Variants in LAMA2 observed in about 807,000 individuals in gnomAD.
The protein encoded by LAMA2 is laminin subunit alpha 2.
A neutral mutation model predicts 364.8 loss-of-function variants in LAMA2; 269 were observed. That is an observed-to-expected ratio of 0.74 (90% CI 0.67 to 0.82). LAMA2 has a LOEUF of 0.82. Among genes scored for constraint, LAMA2 ranks in the 40% least tolerant of loss-of-function variants. The pLI, the probability that LAMA2 is intolerant of heterozygous loss-of-function variation, is 0.00. For synonymous variants in LAMA2, 1,379 were observed against 1,370.6 expected, an observed-to-expected ratio of 1.01 and a Z score of -0.14; for missense variants, 3,807 against 3,873.2, an observed-to-expected ratio of 0.98 and a Z score of 0.45.
chr6:129,515,625 TCTAA>T (rs1218976042), intron 64 of LAMA2, among the ~76,000 whole-genome samples: 1 of 87,518 alleles, frequency 1.1e-5, no homozygotes, highest in Non-Finnish European at 3.4e-5. Context: ...TTCAAAAAGT[TCTAA>T]GTAAGTCAGT....
At chr6:129,486,698 C>G in intron 56 of LAMA2, 76 bp downstream of exon 56, 3 of 1,309,760 alleles carry the variant, frequency 2.3e-6, no homozygotes, top group East Asian at 2.3e-5. Flanking sequence ...CTATCAGTAT[C>G]TGCCTGAACC....
chr6:128,922,579 T>C (rs1186072572), intron 1 of LAMA2, among the ~76,000 whole-genome samples: 2 of 151,798 alleles, frequency 1.3e-5, no homozygotes, highest in Admixed American at 6.5e-5. Flanking sequence ...TGTAAATTTG[T>C]TTGAGTTCAT....
intron 40 of LAMA2, among the ~76,000 whole-genome samples, chr6:129,415,709 G>T (rs896706752): frequency 2.0e-5 from 3 of 151,946 alleles, no homozygotes; most frequent in Non-Finnish European, 4.4e-5. Context: ...AGCCAGGCAT[G>T]GTGACACATG....
At chr6:129,158,478 C>G in intron 8 of LAMA2, 3 of 1,613,958 alleles carry the variant, frequency 1.9e-6, no homozygotes, top group South Asian at 1.1e-5. Flanking sequence ...ACTACCAGAA[C>G]TTTGTGACTG....
intron 3 of LAMA2, among the ~76,000 whole-genome samples, chr6:129,066,406 C>T (rs926111338): frequency 3.3e-5 from 5 of 152,024 alleles, no homozygotes; most frequent in Non-Finnish European, 7.4e-5. Context: ...GACTGGTACA[C>T]TGAAAACTGT....
At chr6:128,934,067 C>T (rs1450144201) in intron 1 of LAMA2, among the ~76,000 whole-genome samples, 1 of 152,176 alleles carries the variant, frequency 6.6e-6, no homozygotes, top group African/African-American at 2.4e-5. Context: ...TTTATGGTTT[C>T]AGGTCATACA....
At chr6:128,913,626 C>G (rs1373908579) in intron 1 of LAMA2, among the ~76,000 whole-genome samples, 1 of 152,146 alleles carries the variant, frequency 6.6e-6, no homozygotes, top group Non-Finnish European at 1.5e-5. Flanking sequence ...CTTCTGGAAT[C>G]AATTTGTGGG....
chr6:129,130,908 G>C (rs1032002910), intron 4 of LAMA2, among the ~76,000 whole-genome samples: 1 of 152,146 alleles, frequency 6.6e-6, no homozygotes, highest in African/African-American at 2.4e-5. Flanking sequence ...CTCTCATTGT[G>C]AGCCAGTTTA....
At chr6:129,339,284 G>A (rs977191771) in intron 29 of LAMA2, among the ~76,000 whole-genome samples, 5 of 152,142 alleles carry the variant, frequency 3.3e-5, no homozygotes, top group Admixed American at 1.3e-4. Flanking sequence ...TGGATACCTC[G>A]GATAAGAGAG....
intron 48 of LAMA2, among the ~76,000 whole-genome samples, chr6:129,459,930 T>A (rs1176637360): frequency 1.3e-5 from 2 of 152,092 alleles, no homozygotes; most frequent in Admixed American, 6.6e-5. Flanking sequence ...AGGAAGTGTT[T>A]ATTTACTGAT....
chr6:128,939,222 G>A (rs1207652139), intron 1 of LAMA2, among the ~76,000 whole-genome samples: 1 of 152,032 alleles, frequency 6.6e-6, no homozygotes, highest in Non-Finnish European at 1.5e-5. Context: ...CATGAAAAAG[G>A]ATACTCTTCC....
intron 1 of LAMA2, among the ~76,000 whole-genome samples, chr6:128,899,580 C>A (rs1388799325): frequency 2.6e-5 from 4 of 152,096 alleles, no homozygotes; most frequent in African/African-American, 9.7e-5. Context: ...AAGAGTGTTG[C>A]CTTTTAAAAC....
At chr6:129,260,659 A>G in intron 14 of LAMA2, 52 bp from the exon 15 acceptor site, 5 of 1,082,064 alleles carry the variant, frequency 4.6e-6, no homozygotes, top group Non-Finnish European at 7.2e-6. Context: ...CTACAGCTGT[A>G]TAATACCTAA....
At chr6:129,290,057 G>A (rs1028981211) in intron 19 of LAMA2, among the ~76,000 whole-genome samples, 1 of 152,022 alleles carries the variant, frequency 6.6e-6, no homozygotes, top group African/African-American at 2.4e-5. Context: ...TTAAATTTGT[G>A]TATATCGTTG....
chr6:129,239,303 C>G (rs1421885979), intron 12 of LAMA2, among the ~76,000 whole-genome samples: 1 of 152,158 alleles, frequency 6.6e-6, no homozygotes, highest in Non-Finnish European at 1.5e-5. Context: ...GAACTGTACT[C>G]TTTTCCACTA....
chr6:129,486,524 C>T lies in LAMA2; in HGVS notation c.7800C>T (p.Ser2600=), dbSNP rs1389043621. The T allele has an allele frequency of 1.2e-6, 2 of 1,613,878 alleles. No homozygotes were observed. Among genetic ancestry groups the T allele is most frequent in the South Asian group, 1.1e-5 (1 of 91,080 alleles). ...LNRGRLEVHL[S]TGARTMRKIV... is the part of the protein sequence containing the mutation. ...GGGGCCGTCTGGAAGTGCATCTCTC[C>T]ACAGGGGCACGAACAATGAGGAAAA... The change falls in exon 56 of 65, where the codon TCC becomes TCT. Residue 2600 remains serine, a synonymous_variant. Coordinates refer to ENST00000421865, the MANE Select transcript of LAMA2 (RefSeq NM_000426.4).
intron 21 of LAMA2, among the ~76,000 whole-genome samples, chr6:129,299,329 C>T (rs1182238735): frequency 2.6e-5 from 4 of 152,088 alleles, no homozygotes; most frequent in Admixed American, 6.6e-5. Context: ...GTATCTACCA[C>T]ACATGGTTTT....
At position 129,440,897 on chromosome 6, in the gene LAMA2, C is replaced by A. The variant is rs73775407; in HGVS notation, c.6167C>A (p.Thr2056Lys). 4.9e-3 allele frequency: 7,841 copies of A among 1,613,896 alleles called. 342 individuals carry two copies. In the African/African-American group the frequency reaches 0.092, roughly 19 times the overall value. Residue 2056 changes from threonine to lysine, a missense_variant, in exon 43 of 65, where the codon ACA (threonine) becomes AAA (lysine). By Grantham distance (78) the Thr-to-Lys change is moderately conservative (BLOSUM62 -1). Around this residue, in one of 3 missense-constraint regions of LAMA2, gnomAD observed 3,333 missense variants for 3,345.7 expected, o/e 1.00. Coordinates refer to ENST00000421865, the MANE Select transcript of LAMA2 (RefSeq NM_000426.4). ...DTAKDVLAQI[T>K]ELHQNLDGLK... ...GCTAAAGATGTACTGGCACAGATTACAGAGCTCCACCAGAACCTCGATGGC... is the reference window on the plus strand; with the variant it reads ...GCTAAAGATGTACTGGCACAGATTAAAGAGCTCCACCAGAACCTCGATGGC...
chr6:129,183,677 T>G (rs1781062645), intron 10 of LAMA2, among the ~76,000 whole-genome samples: 1 of 152,010 alleles, frequency 6.6e-6, no homozygotes, highest in Non-Finnish European at 1.5e-5. Context: ...CCAGGCATTT[T>G]TAATGGCTCG....
Sources: allele counts gnomAD v4.1 joint callset (sites outside exome capture counted in the v4.1 genomes callset), GRCh38; gene constraint gnomAD v4.1.1; regional missense constraint gnomAD v4.1.1; transcripts MANE v1.5; gene names NCBI Gene and HGNC (gene_info 2026-07-23, HGNC 2026-07-21).